The following EDA variants were observed in gnomAD, a reference collection of about 807,000 sequenced individuals.
EDA encodes the protein ectodysplasin-A.
In EDA, 2 loss-of-function variants were observed where a neutral mutation model predicts 23.6. The ratio of observed to expected loss-of-function variants is 0.08; its 90% CI spans 0.03 to 0.27. The LOEUF (loss-of-function observed/expected upper bound fraction) is 0.27. EDA is among the 10% of genes least tolerant of loss of function. The pLI, the probability that EDA is intolerant of heterozygous loss-of-function variation, is 1.00. For missense variants in EDA, 229 were observed against 324.2 expected, an observed-to-expected ratio of 0.71 and a Z score of 2.26; for synonymous variants, 131 against 132.0, an observed-to-expected ratio of 0.99 and a Z score of 0.05.
intron 1 of EDA, among the ~76,000 whole-genome samples, chrX:69,713,302 A>G (rs772798919): frequency 8.0e-5 from 9 of 112,233 alleles, no homozygotes; most frequent in Non-Finnish European, 1.3e-4. Flanking sequence ...TAATGGTAAC[A>G]GTTTACAGAA....
intron 2 of EDA, among the ~76,000 whole-genome samples, chrX:70,004,086 C>T (rs2019771466): frequency 8.9e-6 from 1 of 112,319 alleles, no homozygotes; most frequent in Non-Finnish European, 1.9e-5. Context: ...ATATTTGGTA[C>T]CTATACCTCA....
chrX:69,928,905 T>C (rs2018558510), intron 1 of EDA, among the ~76,000 whole-genome samples: 1 of 111,979 alleles, frequency 8.9e-6, no homozygotes, highest in South Asian at 3.7e-4. Flanking sequence ...AAGCAGGATC[T>C]TTGTTGATTC....
At chrX:69,654,275 A>T (rs2147246429) in intron 1 of EDA, among the ~76,000 whole-genome samples, 1 of 111,797 alleles carries the variant, frequency 8.9e-6, no homozygotes, top group African/African-American at 3.3e-5. Flanking sequence ...TAGAGTGGCG[A>T]TCATTAAAAA....
intron 1 of EDA, among the ~76,000 whole-genome samples, chrX:69,799,529 A>G (rs2147484562): frequency 9.0e-6 from 1 of 110,910 alleles, no homozygotes; most frequent in East Asian, 2.8e-4. Context: ...TAATGATCTT[A>G]TCAAAAATGG....
intron 1 of EDA, among the ~76,000 whole-genome samples, chrX:69,890,743 C>T (rs1394735848): frequency 9.0e-6 from 1 of 111,517 alleles, no homozygotes; most frequent in Non-Finnish European, 1.9e-5. Context: ...TATATATAAA[C>T]ATCAACTGAG....
At chrX:69,676,337 AT>A (rs1305460523) in intron 1 of EDA, among the ~76,000 whole-genome samples, 1 of 111,591 alleles carries the variant, frequency 9.0e-6, no homozygotes, top group Non-Finnish European at 1.9e-5. Context: ...GTGAGAGCTG[AT>A]GGCTTGGACC....
intron 1 of EDA, among the ~76,000 whole-genome samples, chrX:69,817,098 A>T (rs1015496115): frequency 2.7e-5 from 3 of 111,954 alleles, no homozygotes; most frequent in Non-Finnish European, 5.6e-5. Context: ...TCTAACCCAT[A>T]ATTTCATATC....
chrX:70,030,600 T>G, intron 6 of EDA, 80 bp downstream of exon 6: 1 of 928,332 alleles, frequency 1.1e-6, no homozygotes, highest in Non-Finnish European at 1.5e-6. Flanking sequence ...TCACCCAGCC[T>G]AGTTCCTCCC....
chrX:69,785,688 G>A (rs771299307), intron 1 of EDA, among the ~76,000 whole-genome samples: 1,803 of 107,972 alleles, frequency 0.017, 32 homozygotes, highest in Middle Eastern at 0.033. Flanking sequence ...TGCTGAATTC[G>A]ATTTGCCAGT....
chrX:69,670,918 A>G (rs1933871267), intron 1 of EDA, among the ~76,000 whole-genome samples: 1 of 111,609 alleles, frequency 9.0e-6, no homozygotes, highest in Admixed American at 9.6e-5. Flanking sequence ...GTAAGTTTAC[A>G]TTTATTTGGG....
intron 1 of EDA, among the ~76,000 whole-genome samples, chrX:69,703,261 T>C (rs2011587989): frequency 9.0e-6 from 1 of 111,443 alleles, no homozygotes; most frequent in Non-Finnish European, 1.9e-5. Flanking sequence ...GATTTTTCCC[T>C]GTTAACCAGG....
intron 2 of EDA, among the ~76,000 whole-genome samples, chrX:70,001,897 G>C (rs1468565221): frequency 9.0e-6 from 1 of 111,491 alleles, no homozygotes; most frequent in Non-Finnish European, 1.9e-5. Context: ...TAGAGTAGTG[G>C]TTCTCAACCT....
chrX:69,833,196 T>C (rs1253750926), intron 1 of EDA, among the ~76,000 whole-genome samples: 1 of 111,941 alleles, frequency 8.9e-6, no homozygotes. Flanking sequence ...TAGCTCTAAT[T>C]ATTTTGAGAT....
At chrX:70,021,677 G>T (rs1003391493) in intron 2 of EDA, among the ~76,000 whole-genome samples, 3 of 111,936 alleles carry the variant, frequency 2.7e-5, no homozygotes, top group Non-Finnish European at 5.6e-5. Flanking sequence ...GAAGAGAGAA[G>T]GAAAAGAGAA....
chrX:69,702,685 G>A (rs948288163), intron 1 of EDA, among the ~76,000 whole-genome samples: 2 of 110,839 alleles, frequency 1.8e-5, no homozygotes, highest in African/African-American at 6.6e-5. Context: ...TCAGGGCGGC[G>A]AGAATGGAGG....
At chrX:69,657,869 T>A (rs1933365554) in intron 1 of EDA, among the ~76,000 whole-genome samples, 1 of 112,022 alleles carries the variant, frequency 8.9e-6, no homozygotes, top group Non-Finnish European at 1.9e-5. Flanking sequence ...TTGGTTACTG[T>A]AGCTTTGTAG....
At chrX:69,773,321 A>G (rs941993712) in intron 1 of EDA, among the ~76,000 whole-genome samples, 1 of 112,372 alleles carries the variant, frequency 8.9e-6, no homozygotes, top group African/African-American at 3.2e-5. Context: ...ATTGATAGAC[A>G]GTTGGGTTGT....
At chrX:69,652,857 A>G (rs926890815) in intron 1 of EDA, among the ~76,000 whole-genome samples, 2 of 112,190 alleles carry the variant, frequency 1.8e-5, no homozygotes, top group African/African-American at 6.5e-5. Flanking sequence ...AAAGTCCAGT[A>G]CCATGCTGTT....
At chrX:69,666,352 G>A (rs1002172798) in intron 1 of EDA, among the ~76,000 whole-genome samples, 1 of 112,677 alleles carries the variant, frequency 8.9e-6, no homozygotes, top group African/African-American at 3.2e-5. Flanking sequence ...GGTGGTGGGA[G>A]TAGGCATTCC....
Sources: gnomAD v4.1 joint callset for allele counts (sites outside exome capture counted in the v4.1 genomes callset) on GRCh38, gnomAD v4.1.1 for gene constraint, MANE v1.5 for transcripts, NCBI Gene and HGNC (gene_info 2026-07-23, HGNC 2026-07-21) for gene names.